The following UNC5D variants were observed in gnomAD, a reference collection of about 807,000 sequenced individuals.
The protein encoded by UNC5D is unc-5 netrin receptor D.
UNC5D carries 39 observed loss-of-function variants against 105.4 expected under a neutral mutation model. The ratio of observed to expected loss-of-function variants is 0.37; its 90% CI spans 0.29 to 0.48. The LOEUF (loss-of-function observed/expected upper bound fraction) is 0.48. UNC5D is among the 20% of genes least tolerant of loss of function. UNC5D has a pLI of 0.98. For missense variants in UNC5D, 991 were observed against 1,202.4 expected (o/e 0.82, Z 2.60); for synonymous variants, 452 against 450.4 (o/e 1.00, Z -0.04).
intron 1 of UNC5D, among the ~76,000 whole-genome samples, chr8:35,302,722 A>G (rs1808053561): frequency 6.6e-6 from 1 of 152,218 alleles, no homozygotes; most frequent in Non-Finnish European, 1.5e-5. Context: ...AACTTACGGT[A>G]TAGGTAATAG....
rs1453202333 is a variant in UNC5D, at chr8:35,748,510, T to C, written c.1767-17T>C. The C allele has an allele frequency of 1.2e-6, 2 of 1,607,180 alleles. No individual in the cohort carries two copies. The highest frequency in any genetic ancestry group is 8.5e-7 in the Non-Finnish European group (1 of 1,177,558). On this transcript the variant is annotated splice_polypyrimidine_tract_variant and intron_variant, in intron 11 of 16. Coordinates refer to ENST00000404895, the MANE Select transcript of UNC5D (RefSeq NM_080872.4). ...CTCTACATACTTCTCTCTTCTATCC[T>C]TTTTTCAACTGTGAAGCCTCCAGTC...
chr8:35,348,514 C>G (rs1456964290), intron 1 of UNC5D, among the ~76,000 whole-genome samples: 1 of 145,826 alleles, frequency 6.9e-6, no homozygotes, highest in African/African-American at 2.6e-5. Flanking sequence ...TTAGATTACC[C>G]TAGGAAAATC....
chr8:35,505,370 C>G (rs1812246710), intron 1 of UNC5D, among the ~76,000 whole-genome samples: 1 of 145,726 alleles, frequency 6.9e-6, no homozygotes, highest in Non-Finnish European at 1.5e-5. Flanking sequence ...AATTGAATGG[C>G]CACTCTTCTT....
At chr8:35,681,812 G>A (rs1418297754) in intron 4 of UNC5D, among the ~76,000 whole-genome samples, 1 of 152,154 alleles carries the variant, frequency 6.6e-6, no homozygotes, top group African/African-American at 2.4e-5. Context: ...AGTTTTGGAT[G>A]GTGATGATTT....
At chr8:35,247,276 A>AT (rs5890801) in intron 1 of UNC5D, among the ~76,000 whole-genome samples, 5 of 146,306 alleles carry the variant, frequency 3.4e-5, no homozygotes, top group South Asian at 2.1e-4. Flanking sequence ...AATTACAGAG[A>AT]TTTTTTTTTT....
At chr8:35,488,019 C>T (rs1165562442) in intron 1 of UNC5D, among the ~76,000 whole-genome samples, 1 of 152,054 alleles carries the variant, frequency 6.6e-6, no homozygotes, top group Non-Finnish European at 1.5e-5. Context: ...TTACTGCTTA[C>T]AAGTAAAATA....
At chr8:35,775,365 G>A (rs191489288) in intron 16 of UNC5D, among the ~76,000 whole-genome samples, 1 of 152,310 alleles carries the variant, frequency 6.6e-6, no homozygotes, top group Admixed American at 6.5e-5. Flanking sequence ...TTGTAGTTGA[G>A]AGTAGAATAG....
At chr8:35,351,907 T>C (rs538510693) in intron 1 of UNC5D, among the ~76,000 whole-genome samples, 207 of 152,218 alleles carry the variant, frequency 1.4e-3, no homozygotes, top group African/African-American at 4.4e-3. Context: ...GGTAGAAACA[T>C]GCATACATTG....
At chr8:35,758,352 C>CT (rs57675032) in intron 13 of UNC5D, among the ~76,000 whole-genome samples, 5 of 151,836 alleles carry the variant, frequency 3.3e-5, no homozygotes, top group African/African-American at 4.8e-5. Flanking sequence ...TTCTAACAGT[C>CT]TTTTTTTTAA....
chr8:35,286,612 G>A (rs1806617818), intron 1 of UNC5D, among the ~76,000 whole-genome samples: 1 of 152,182 alleles, frequency 6.6e-6, no homozygotes, highest in Non-Finnish European at 1.5e-5. Context: ...AAGCCTAGCA[G>A]TGAAGAGATG....
chr8:35,357,968 T>G (rs769425582), intron 1 of UNC5D, among the ~76,000 whole-genome samples: 1 of 152,120 alleles, frequency 6.6e-6, no homozygotes, highest in African/African-American at 2.4e-5. Flanking sequence ...CCCATATGAG[T>G]GACTTCCACA....
At chr8:35,329,548 C>CTGTTAATTAA (rs1810446902) in intron 1 of UNC5D, among the ~76,000 whole-genome samples, 1 of 152,042 alleles carries the variant, frequency 6.6e-6, no homozygotes, top group Non-Finnish European at 1.5e-5. Flanking sequence ...TGTTAATTAG[C>CTGTTAATTAA]TTGTGTTCCT....
At chr8:35,433,345 G>A (rs998265302) in intron 1 of UNC5D, among the ~76,000 whole-genome samples, 9 of 152,172 alleles carry the variant, frequency 5.9e-5, no homozygotes, top group East Asian at 5.8e-4. Context: ...ATGTAATATT[G>A]AGTCTCAAAT....
At chr8:35,573,660 G>A (rs1391234759) in intron 3 of UNC5D, among the ~76,000 whole-genome samples, 2 of 152,140 alleles carry the variant, frequency 1.3e-5, no homozygotes, top group Admixed American at 6.5e-5. Context: ...CTTGAAGAAA[G>A]CTGTAATAGC....
intron 1 of UNC5D, among the ~76,000 whole-genome samples, chr8:35,308,648 T>C (rs1330397969): frequency 2.0e-5 from 3 of 152,106 alleles, no homozygotes; most frequent in Non-Finnish European, 4.4e-5. Context: ...AAATGACACT[T>C]CCTGAGAAGG....
intron 1 of UNC5D, among the ~76,000 whole-genome samples, chr8:35,468,304 C>G (rs574735920): frequency 1.3e-5 from 2 of 152,278 alleles, no homozygotes; most frequent in South Asian, 4.1e-4. Context: ...TCTCTTTTAC[C>G]ACTTTATAGG....
chr8:35,472,506 G>A (rs1470102946), intron 1 of UNC5D, among the ~76,000 whole-genome samples: 1 of 152,118 alleles, frequency 6.6e-6, no homozygotes, highest in Non-Finnish European at 1.5e-5. Flanking sequence ...AAGCAACCAG[G>A]TGAACTATAA....
chr8:35,675,111 T>A (rs888992881), intron 4 of UNC5D, among the ~76,000 whole-genome samples: 13 of 152,178 alleles, frequency 8.5e-5, no homozygotes, highest in Non-Finnish European at 1.8e-4. Flanking sequence ...AAATTCAGTA[T>A]GAAAAATGTG....
intron 1 of UNC5D, among the ~76,000 whole-genome samples, chr8:35,371,951 A>G (rs1802449985): frequency 6.6e-6 from 1 of 152,156 alleles, no homozygotes; most frequent in Admixed American, 6.5e-5. Flanking sequence ...TGGGTGGGTT[A>G]TGGGGGAATC....
Sources: gnomAD v4.1 joint callset for allele counts (sites outside exome capture counted in the v4.1 genomes callset) on GRCh38, gnomAD v4.1.1 for gene constraint, MANE v1.5 for transcripts, NCBI Gene and HGNC (gene_info 2026-07-23, HGNC 2026-07-21) for gene names.